The following PTPRD variants were observed in gnomAD, a reference collection of about 807,000 sequenced individuals.
PTPRD encodes protein tyrosine phosphatase receptor type D.
In PTPRD, 34 loss-of-function variants were observed where a neutral mutation model predicts 214.5. That is an observed-to-expected ratio of 0.16 (90% CI 0.12 to 0.21). The LOEUF (loss-of-function observed/expected upper bound fraction) is 0.21. Among genes scored for constraint, PTPRD ranks in the 10% least tolerant of loss-of-function variants. PTPRD has a pLI of 1.00. For synonymous variants in PTPRD, 1,128 were observed against 845.7 expected (o/e 1.33, Z -5.79); for missense variants, 2,545 against 2,398.7 (o/e 1.06, Z -1.27).
chr9:8,468,501 G>C (rs1000314237), intron 31 of PTPRD, among the ~76,000 whole-genome samples: 1 of 151,868 alleles, frequency 6.6e-6, no homozygotes, highest in Non-Finnish European at 1.5e-5. Flanking sequence ...GTTTATAAAT[G>C]TATCATGTGG....
intron 8 of PTPRD, among the ~76,000 whole-genome samples, chr9:9,466,193 C>T (rs2094140368): frequency 6.6e-6 from 1 of 151,998 alleles, no homozygotes. Flanking sequence ...CCCATAGTCC[C>T]ATCTACTTAA....
chr9:9,479,057 G>A (rs916200447), intron 8 of PTPRD, among the ~76,000 whole-genome samples: 6 of 151,906 alleles, frequency 3.9e-5, no homozygotes, highest in Non-Finnish European at 8.8e-5. Flanking sequence ...CATAAAGTCT[G>A]TTTTTCCTTA....
intron 9 of PTPRD, among the ~76,000 whole-genome samples, chr9:9,322,511 C>A (rs1966966408): frequency 6.6e-6 from 1 of 152,112 alleles, no homozygotes; most frequent in Non-Finnish European, 1.5e-5. Context: ...CATGCTACTT[C>A]TCATATACCT....
intron 11 of PTPRD, among the ~76,000 whole-genome samples, chr9:8,940,068 A>G (rs943123269): frequency 3.7e-4 from 15 of 40,246 alleles, no homozygotes; most frequent in Admixed American, 1.7e-3. Context: ...TAAGTTTGGA[A>G]AAAAAAAAAA....
At chr9:10,085,433 A>C (rs2098318983) in intron 3 of PTPRD, among the ~76,000 whole-genome samples, 1 of 151,806 alleles carries the variant, frequency 6.6e-6, no homozygotes, top group Non-Finnish European at 1.5e-5. Flanking sequence ...AGGATCCTAA[A>C]CCTGTGACAG....
chr9:9,126,081 G>A (rs564257831), intron 10 of PTPRD, among the ~76,000 whole-genome samples: 4 of 152,286 alleles, frequency 2.6e-5, no homozygotes, highest in Admixed American at 6.5e-5. Context: ...CCTGTTGGTG[G>A]TGCCAGATTA....
intron 3 of PTPRD, among the ~76,000 whole-genome samples, chr9:10,157,685 G>C (rs1473273023): frequency 6.6e-6 from 1 of 152,056 alleles, no homozygotes; most frequent in African/African-American, 2.4e-5. Context: ...GGCCTTTCTA[G>C]TTAGGTTGGG....
rs757562644 is a variant in PTPRD, at chr9:8,501,029, C to G, written c.1853G>C (p.Cys618Ser). The change falls in exon 24 of 46, where the codon TGC (cysteine) becomes TCC (serine). Residue 618 changes from cysteine to serine, a missense_variant. Coordinates refer to ENST00000381196, the MANE Select transcript of PTPRD (RefSeq NM_002839.4). ...KPSAPPQDISCTSPSSTSILV... is the reference protein window; with the variant it reads ...KPSAPPQDISSTSPSSTSILV... ...AATACTAGTGGAACTTGGGCTGGTGCAACTAATGTCTTGAGGAGGAGCTGA... is the reference window on the plus strand; with the variant it reads ...AATACTAGTGGAACTTGGGCTGGTGGAACTAATGTCTTGAGGAGGAGCTGA... 1.2e-6 allele frequency: 2 copies of G among 1,613,128 alleles called. No individual in the cohort carries two copies. Among genetic ancestry groups the G allele is most frequent in the Non-Finnish European group, 1.7e-6 (2 of 1,179,762 alleles).
chr9:10,423,995 T>C (rs2098583760), intron 2 of PTPRD, among the ~76,000 whole-genome samples: 2 of 152,028 alleles, frequency 1.3e-5, no homozygotes, highest in South Asian at 4.1e-4. Flanking sequence ...TTTTCAGAAT[T>C]CAACAAATTA....
chr9:8,946,166 T>G (rs1234889460), intron 11 of PTPRD, among the ~76,000 whole-genome samples: 1 of 152,240 alleles, frequency 6.6e-6, no homozygotes, highest in East Asian at 1.9e-4. Context: ...GATAACCAGT[T>G]ATTAACATCA....
intron 12 of PTPRD, among the ~76,000 whole-genome samples, chr9:8,718,160 A>G (rs1454039862): frequency 6.6e-6 from 1 of 152,224 alleles, no homozygotes; most frequent in Non-Finnish European, 1.5e-5. Context: ...TTTTTGGGCT[A>G]GCAAAATGTT....
At chr9:8,581,195 T>TA (rs142301017) in intron 14 of PTPRD, among the ~76,000 whole-genome samples, 4,279 of 147,516 alleles carry the variant, frequency 0.029, 146 homozygotes, top group East Asian at 0.11. Context: ...GAATATATTA[T>TA]AAAAAAAAAA....
chr9:9,625,949 T>C (rs1271686056), intron 7 of PTPRD, among the ~76,000 whole-genome samples: 1 of 152,156 alleles, frequency 6.6e-6, no homozygotes, highest in African/African-American at 2.4e-5. Context: ...TTTGTCCTTG[T>C]GGGCCATAAA....
intron 2 of PTPRD, among the ~76,000 whole-genome samples, chr9:10,581,011 G>A (rs2071550219): frequency 6.6e-6 from 1 of 152,074 alleles, no homozygotes; most frequent in Admixed American, 6.5e-5. Flanking sequence ...TTGCAAACCT[G>A]GGATCCTGGC....
At chr9:8,641,561 T>C (rs889193238) in intron 12 of PTPRD, among the ~76,000 whole-genome samples, 1 of 138,944 alleles carries the variant, frequency 7.2e-6, no homozygotes, top group Non-Finnish European at 1.5e-5. Context: ...AGAAAGTCTA[T>C]TTTCTAAATG....
intron 14 of PTPRD, among the ~76,000 whole-genome samples, chr9:8,586,160 C>A (rs1225111534): frequency 1.3e-5 from 2 of 152,002 alleles, no homozygotes; most frequent in African/African-American, 4.8e-5. Context: ...ATTAGCTAGG[C>A]GTGGCGGCGT....
chr9:8,484,378 T>G lies in PTPRD; in HGVS notation c.3154A>C (p.Ile1052Leu). The G allele has an allele frequency of 6.2e-7, 1 of 1,608,428 alleles. No individual in the cohort carries two copies. Among genetic ancestry groups the G allele is most frequent in the Non-Finnish European group, 8.5e-7 (1 of 1,176,976 alleles). ...ACCATTTTCCCATCATCATAAAGAA[T>G]CTAAAGAGATAAAACCAATAAAAAA... ...ENYNSAMPFKILYDDGKMVEE... is the reference protein window; with the variant it reads ...ENYNSAMPFKLLYDDGKMVEE... The change falls in exon 30 of 46, where the codon ATT (isoleucine) becomes CTT (leucine). Residue 1052 changes from isoleucine (I) to leucine (L), a missense_variant and splice_region_variant. By Grantham distance (5) the Ile-to-Leu change is conservative (BLOSUM62 2). Coordinates refer to ENST00000381196, the MANE Select transcript of PTPRD (RefSeq NM_002839.4).
At chr9:10,370,163 C>T (rs1213688904) in intron 2 of PTPRD, among the ~76,000 whole-genome samples, 1 of 151,964 alleles carries the variant, frequency 6.6e-6, no homozygotes, top group African/African-American at 2.4e-5. Context: ...ATCAGTAGGA[C>T]GTTGTTAAGT....
intron 39 of PTPRD, among the ~76,000 whole-genome samples, chr9:8,359,628 C>G (rs895748990): frequency 6.6e-6 from 1 of 152,272 alleles, no homozygotes; most frequent in Admixed American, 6.5e-5. Flanking sequence ...GCCACCCCAC[C>G]CGGCCAGCTA....
Sources: allele counts gnomAD v4.1 joint callset (sites outside exome capture counted in the v4.1 genomes callset), GRCh38; gene constraint gnomAD v4.1.1; transcripts MANE v1.5; gene names NCBI Gene and HGNC (gene_info 2026-07-23, HGNC 2026-07-21).